PARVB: variants seen among roughly 807,000 people sequenced by gnomAD.
The protein encoded by PARVB is beta-parvin.
PARVB carries 46 observed loss-of-function variants against 47.0 expected under a neutral mutation model. That is an observed-to-expected ratio of 0.98 (90% CI 0.77 to 1.25). The LOEUF (loss-of-function observed/expected upper bound fraction) is 1.25, where lower values mean the gene tolerates loss of function less well. Ranked by LOEUF, PARVB falls within the 50% of genes most tolerant of loss-of-function variation. The pLI is 0.00. For synonymous variants in PARVB, 196 were observed against 196.3 expected, an observed-to-expected ratio of 1.00 and a Z score of 0.01; for missense variants, 473 against 471.6, an observed-to-expected ratio of 1.00 and a Z score of -0.03.
chr22:44,059,758 G>T (rs1036966230), intron 1 of PARVB, among the ~76,000 whole-genome samples: 2 of 152,140 alleles, frequency 1.3e-5, no homozygotes, highest in Non-Finnish European at 2.9e-5. Context: ...CCTTTAAAAA[G>T]TCTCACTTGG....
At chr22:44,102,638 A>T (rs1165346996) in intron 3 of PARVB, 2 of 152,114 alleles carry the variant, frequency 1.3e-5, no homozygotes, top group East Asian at 1.9e-4. Context: ...CCAGGAGTTC[A>T]AGACCAGCCT....
rs572082075 is a variant in PARVB at position 44,036,024 on chromosome 22, G to C, written c.112+11573G>C. 4.4e-4 allele frequency among the ~76,000 whole-genome samples: 67 copies of C among 152,232 alleles called. 2 individuals are homozygous for C. In the South Asian group the frequency reaches 0.012, roughly 28 times the overall value. ...TGTAATCCCAGCACTTTGGGAGGCC[G>C]AGGCGGGCGGATCACTTAAGGTCAG... On this transcript the variant is annotated intron_variant, in intron 1 of 12. Transcript: ENST00000338758.
At chr22:44,027,735 T>C (rs1206856210) in intron 1 of PARVB, among the ~76,000 whole-genome samples, 1 of 151,724 alleles carries the variant, frequency 6.6e-6, no homozygotes, top group African/African-American at 2.4e-5. Context: ...CCATCTCCAG[T>C]AAAAACGCAA....
At chr22:44,010,085 C>T (rs1010950191) in intron 2 of PARVB, among the ~76,000 whole-genome samples, 10 of 152,208 alleles carry the variant, frequency 6.6e-5, no homozygotes, top group Non-Finnish European at 1.5e-5. Flanking sequence ...GAATTACAGG[C>T]ATGAGCCACT....
At position 44,158,305 on chromosome 22, in the gene PARVB, C is replaced by T. The variant is rs557142028; in HGVS notation, c.945+222C>T. On this transcript the variant is annotated intron_variant, in intron 11 of 12. Coordinates refer to ENST00000338758, the MANE Select transcript of PARVB (RefSeq NM_013327.5). ...AGTTTTGTTTGCCACATTTTCTTTG[C>T]GGTCTTTTCCATGGGACCGTGTAGT... Among the ~76,000 whole-genome samples, 5 of 152,214 alleles carry T rather than the reference C, an allele frequency of 3.3e-5. No homozygotes were observed. The South Asian group carries it at 6.2e-4, about 19-fold the overall frequency.
chr22:44,024,417 C>A lies in PARVB; in HGVS notation c.78C>A (p.Gly26=). Reference sequence around the variant, plus strand: ...ACGAGTCGTTCCTGGGCAAGCTGGGCGGCACCCTGGCCAGGAAGCGGAGGG... The same window carrying A: ...ACGAGTCGTTCCTGGGCAAGCTGGGAGGCACCCTGGCCAGGAAGCGGAGGG... ...KKDESFLGKL[G]GTLARKRRAR... Residue 26 remains glycine (G), a synonymous_variant, in exon 1 of 13, where the codon GGC becomes GGA. Transcript: ENST00000338758. The A allele has an allele frequency of 5.6e-6, 7 of 1,247,674 alleles. No individual in the cohort carries two copies. The highest frequency in any genetic ancestry group is 4.1e-5 in the East Asian group (1 of 24,496). The allele number at this position is 1,247,674 out of a possible 1,614,324, so 77.3% of individuals were successfully genotyped here.
chr22:44,009,808 CTTTTTTT>C (rs546290064), intron 2 of PARVB, among the ~76,000 whole-genome samples: 1 of 132,908 alleles, frequency 7.5e-6, no homozygotes, highest in African/African-American at 2.8e-5. Context: ...GCATATGAAT[CTTTTTTT>C]TTTTTTTTTT....
rs573071148 is a variant in PARVB at position 44,039,398 on chromosome 22, G to T, written c.112+14947G>T. On this transcript the variant is annotated intron_variant, in intron 1 of 12. Coordinates refer to ENST00000338758, the MANE Select transcript of PARVB (RefSeq NM_013327.5). ...AAACCTAAAAATATAAAAATTAGCT[G>T]GGCGTGGTGGTGCATGCCTGTAATC... Among the ~76,000 whole-genome samples the T allele has an allele frequency of 7.2e-5, 11 of 152,230 alleles. No individual in the cohort carries two copies. The East Asian group carries it at 2.1e-3, about 29-fold the overall frequency.
chr22:44,090,657 C>T (rs1188734897), intron 1 of PARVB, among the ~76,000 whole-genome samples: 4 of 152,250 alleles, frequency 2.6e-5, no homozygotes, highest in Non-Finnish European at 4.4e-5. Flanking sequence ...TGCCAGCTCT[C>T]GGGCCTTGCC....
At chr22:44,035,232 G>A (rs779622117) in intron 1 of PARVB, among the ~76,000 whole-genome samples, 1 of 152,156 alleles carries the variant, frequency 6.6e-6, no homozygotes, top group Non-Finnish European at 1.5e-5. Flanking sequence ...TATTGATGCT[G>A]CACGTTTACA....
rs139590868 is a variant in PARVB at position 44,019,300 on chromosome 22, A to G, written c.211+19627A>G. 3.2e-3 allele frequency among the ~76,000 whole-genome samples: 489 copies of G among 151,014 alleles called. 11 individuals are homozygous for G. Among genetic ancestry groups the G allele is most frequent in the Admixed American group, 0.023 (341 of 15,150 alleles). On this transcript the variant is annotated intron_variant, in intron 2 of 13. Coordinates refer to the PARVB transcript ENST00000406477. ...AATGGCATGATCTTGGCTAACTGCAACCTCCGCCTGCCGGGTTCAGGTGAT... is the reference window on the plus strand; with the variant it reads ...AATGGCATGATCTTGGCTAACTGCAGCCTCCGCCTGCCGGGTTCAGGTGAT...
At chr22:44,076,059 C>A (rs772187031) in intron 1 of PARVB, among the ~76,000 whole-genome samples, 1 of 152,210 alleles carries the variant, frequency 6.6e-6, no homozygotes, top group Non-Finnish European at 1.5e-5. Flanking sequence ...GCAGGTGGGG[C>A]CGGGACTTGG....
At chr22:44,033,192 G>A (rs2050855575) in intron 1 of PARVB, among the ~76,000 whole-genome samples, 1 of 151,982 alleles carries the variant, frequency 6.6e-6, no homozygotes, top group Admixed American at 6.6e-5. Flanking sequence ...GGGTTCAAGC[G>A]AGCACATCCA....
At chr22:44,024,274 C>G, upstream of PARVB, 1 of 904,996 alleles carries the variant, frequency 1.1e-6, no homozygotes, top group Non-Finnish European at 1.3e-6. Context: ...GCGCCCTCGG[C>G]CTCTCCCCGG....
chr22:44,052,029 C>T (rs530678029), intron 1 of PARVB, among the ~76,000 whole-genome samples: 5 of 152,276 alleles, frequency 3.3e-5, no homozygotes, highest in South Asian at 2.1e-4. Flanking sequence ...ACGGCTCTGC[C>T]GACACCTTGA....
At chr22:44,161,703 G>A (rs2054056937) in intron 11 of PARVB, among the ~76,000 whole-genome samples, 2 of 152,200 alleles carry the variant, frequency 1.3e-5, no homozygotes, top group South Asian at 4.1e-4. Context: ...ACCTCGTACA[G>A]GGCTGGGAGG....
intron 10 of PARVB, 190 bp downstream of exon 10, chr22:44,151,741 C>G: frequency 3.6e-6 from 2 of 561,220 alleles, no homozygotes. Flanking sequence ...GGGCTGCTGC[C>G]ACAAAGCACC....
intron 10 of PARVB, among the ~76,000 whole-genome samples, chr22:44,156,697 T>C (rs1185549128): frequency 1.3e-5 from 2 of 152,242 alleles, no homozygotes; most frequent in African/African-American, 4.8e-5. Context: ...AGATGGTAAA[T>C]GTTATGGTAT....
chr22:44,109,591 G>A (rs1292753902), intron 3 of PARVB: 1 of 152,196 alleles, frequency 6.6e-6, no homozygotes, highest in Admixed American at 6.5e-5. Flanking sequence ...GTACCTCCTC[G>A]GGGTGGCAGT....
Sources: gnomAD v4.1 joint callset for allele counts (sites outside exome capture counted in the v4.1 genomes callset) on GRCh38, gnomAD v4.1.1 for gene constraint, MANE v1.5 for transcripts, NCBI Gene and HGNC (gene_info 2026-07-23, HGNC 2026-07-21) for gene names.